The following POU2F1 variants were observed in gnomAD, a reference collection of about 807,000 sequenced individuals.
POU2F1 encodes POU domain, class 2, transcription factor 1.
In POU2F1, 16 loss-of-function variants were observed where a neutral mutation model predicts 84.9. That is an observed-to-expected ratio of 0.19 (90% CI 0.13 to 0.29). The LOEUF is 0.29. Among genes scored for constraint, POU2F1 ranks in the 10% least tolerant of loss-of-function variants. POU2F1 has a pLI of 1.00. For missense variants in POU2F1, 738 were observed against 942.6 expected (o/e 0.78, Z 2.84); for synonymous variants, 368 against 368.3 (o/e 1.00, Z 0.01).
intron 3 of POU2F1, among the ~76,000 whole-genome samples, chr1:167,368,762 C>T (rs1571383656): frequency 6.6e-6 from 1 of 152,156 alleles, no homozygotes; most frequent in East Asian, 1.9e-4. Flanking sequence ...ACAGGACTAG[C>T]AGTTTCAAAT....
intron 1 of POU2F1, among the ~76,000 whole-genome samples, chr1:167,320,111 C>G (rs1656206060): frequency 6.7e-6 from 1 of 150,296 alleles, no homozygotes; most frequent in Admixed American, 6.6e-5. Context: ...CTGCTGTTTG[C>G]AATTGGGTAA....
intron 9 of POU2F1, among the ~76,000 whole-genome samples, chr1:167,393,248 G>A (rs1648555862): frequency 6.6e-6 from 1 of 152,202 alleles, no homozygotes; most frequent in South Asian, 2.1e-4. Context: ...GGATTATCAC[G>A]AAAGAGCATT....
At chr1:167,383,062 G>A (rs1158407754) in intron 7 of POU2F1, among the ~76,000 whole-genome samples, 2 of 152,078 alleles carry the variant, frequency 1.3e-5, no homozygotes, top group Non-Finnish European at 2.9e-5. Context: ...CTTTTGTTTG[G>A]TGTGCTTTGT....
intron 2 of POU2F1, among the ~76,000 whole-genome samples, chr1:167,352,909 A>T (rs1658676091): frequency 6.6e-6 from 1 of 152,208 alleles, no homozygotes; most frequent in Non-Finnish European, 1.5e-5. Flanking sequence ...GGTTAGAGAG[A>T]TGGGAAACAT....
intron 1 of POU2F1, among the ~76,000 whole-genome samples, chr1:167,240,263 T>C (rs907832146): frequency 5.8e-4 from 89 of 152,314 alleles, no homozygotes; most frequent in Non-Finnish European, 4.9e-4. Context: ...TGTGAAGATA[T>C]GAACCCTGAC....
chr1:167,409,426 A>G (rs1649807722), intron 13 of POU2F1, among the ~76,000 whole-genome samples: 1 of 152,188 alleles, frequency 6.6e-6, no homozygotes, highest in Non-Finnish European at 1.5e-5. Flanking sequence ...AGGCTCAGCA[A>G]CAATAAGTTC....
intron 1 of POU2F1, among the ~76,000 whole-genome samples, chr1:167,233,129 T>A (rs565565189): frequency 5.3e-5 from 8 of 151,564 alleles, no homozygotes; most frequent in East Asian, 1.9e-4. Flanking sequence ...TAAATATTTT[T>A]ATTTTTTAAT....
chr1:167,275,841 A>G (rs1399339591), intron 1 of POU2F1, among the ~76,000 whole-genome samples: 1 of 152,140 alleles, frequency 6.6e-6, no homozygotes, highest in African/African-American at 2.4e-5. Context: ...TGTCTTAGCT[A>G]TTTTCCATTC....
intron 1 of POU2F1, among the ~76,000 whole-genome samples, chr1:167,310,941 A>G (rs948236542): frequency 2.0e-5 from 3 of 152,196 alleles, no homozygotes; most frequent in Admixed American, 1.3e-4. Context: ...AAATTACCCA[A>G]TCTGAACAAG....
intron 1 of POU2F1, among the ~76,000 whole-genome samples, chr1:167,271,260 G>T (rs191967900): frequency 3.5e-4 from 53 of 152,294 alleles, no homozygotes; most frequent in African/African-American, 1.2e-3. Flanking sequence ...AAGTGGGAGA[G>T]AAGCCATTTA....
intron 1 of POU2F1, among the ~76,000 whole-genome samples, chr1:167,244,801 C>T (rs1650190244): frequency 6.6e-6 from 1 of 152,116 alleles, no homozygotes; most frequent in Non-Finnish European, 1.5e-5. Context: ...ATTGGTGGAA[C>T]ATGTATGGGA....
At chr1:167,383,112 A>G (rs553425902) in intron 7 of POU2F1, among the ~76,000 whole-genome samples, 1 of 152,302 alleles carries the variant, frequency 6.6e-6, no homozygotes, top group Admixed American at 6.5e-5. Flanking sequence ...AGCAAACATA[A>G]TCTTGTATTT....
Position 167,325,916 on chromosome 1 carries a change from A to C in POU2F1, c.62-6554A>C, listed in dbSNP as rs558589394. On this transcript the variant is annotated intron_variant, in intron 1 of 15. Transcript: ENST00000367866. ...AAAAAAAAAAAAACTAGTAGTGTTA[A>C]CCGTGAATTCTGGGTCCTGGAAGAG... Among the ~76,000 whole-genome samples the C allele has an allele frequency of 6.6e-5, 10 of 152,042 alleles. No individual in the cohort carries two copies. In the South Asian group the frequency reaches 2.1e-3, roughly 32 times the overall value.
At chr1:167,398,345 C>T (rs2101911331) in intron 11 of POU2F1, among the ~76,000 whole-genome samples, 2 of 152,258 alleles carry the variant, frequency 1.3e-5, no homozygotes, top group Middle Eastern at 3.4e-3. Context: ...TCCATGCAAG[C>T]ACTCAGTATG....
chr1:167,265,744 A>G (rs1651899726), intron 1 of POU2F1, among the ~76,000 whole-genome samples: 1 of 151,868 alleles, frequency 6.6e-6, no homozygotes, highest in African/African-American at 2.4e-5. Context: ...GATTGTCACA[A>G]CCTGAAGAAT....
chr1:167,275,206 T>C lies in POU2F1; in HGVS notation c.61+54248T>C, dbSNP rs552470291. ...TGCCTGGATTTGGTTTTTGTTTTCT[T>C]TGTAGTGATGGAGTCCCAGTATGTT... On this transcript the variant is annotated intron_variant, in intron 1 of 15. Transcript: ENST00000367866. 3.3e-5 allele frequency among the ~76,000 whole-genome samples: 5 copies of C among 151,928 alleles called. 1 individual carries two copies. The South Asian group carries it at 1.0e-3, about 32-fold the overall frequency.
chr1:167,252,062 A>G (rs1650773484), intron 1 of POU2F1, among the ~76,000 whole-genome samples: 2 of 151,440 alleles, frequency 1.3e-5, no homozygotes, highest in Admixed American at 6.6e-5. Context: ...GGGTTTCACC[A>G]TTTTGGCCAG....
intron 4 of POU2F1, among the ~76,000 whole-genome samples, chr1:167,371,683 G>A (rs553094268): frequency 6.6e-6 from 1 of 152,240 alleles, no homozygotes; most frequent in Non-Finnish European, 1.5e-5. Flanking sequence ...ATAAATTTGT[G>A]GGGGATGACT....
chr1:167,376,078 A>G lies in POU2F1; in HGVS notation c.641A>G (p.Gln214Arg), dbSNP rs764387155. 44 of 1,614,088 alleles carry G rather than the reference A, an allele frequency of 2.7e-5. No homozygotes were observed. The highest frequency in any genetic ancestry group is 4.2e-6 in the Non-Finnish European group (5 of 1,180,018). ...QLQQQNLNLQ[Q>R]FVLVHPTTNL... ...CAACAGCAGAATCTCAACCTGCAAC[A>G]GTTTGTGTTGGTGCATCCAACCACC... The change falls in exon 7 of 16, where the codon CAG (glutamine) becomes CGG (arginine). Residue 214 changes from glutamine to arginine, a missense_variant. Physicochemically the swap from Gln to Arg is conservative, Grantham distance 43 (BLOSUM62 1). Transcript: ENST00000367866.
Sources: gnomAD v4.1 joint callset for allele counts (sites outside exome capture counted in the v4.1 genomes callset) on GRCh38, gnomAD v4.1.1 for gene constraint, MANE v1.5 for transcripts, NCBI Gene and HGNC (gene_info 2026-07-23, HGNC 2026-07-21) for gene names.